NBPF9: variants seen among roughly 807,000 people sequenced by gnomAD.
NBPF9 encodes NBPF family member NBPF9.
A neutral mutation model predicts 97.8 loss-of-function variants in NBPF9; 91 were observed. The ratio of observed to expected loss-of-function variants is 0.93; its 90% confidence interval spans 0.79 to 1.11. NBPF9 has a LOEUF of 1.11. Ranked by LOEUF, NBPF9 falls within the 50% of genes least tolerant of loss-of-function variation. The pLI, the probability that NBPF9 is intolerant of heterozygous loss-of-function variation, is 0.00. For synonymous variants in NBPF9, 334 were observed against 359.5 expected (o/e 0.93, Z 0.80); for missense variants, 992 against 939.5 (o/e 1.06, Z -0.73).
chr1:149,062,191 G>A (rs1209231860), exon 22 of NBPF9: 3 of 978,820 alleles, frequency 3.1e-6, no homozygotes, highest in Admixed American at 3.4e-5. Context: ...ATAACCTGAA[G>A]GAGTCGAATA....
intron 4 of NBPF9, among the ~76,000 whole-genome samples, chr1:149,097,669 C>T (rs1559546856): frequency 1.3e-5 from 2 of 152,116 alleles, no homozygotes; most frequent in Non-Finnish European, 2.9e-5. Flanking sequence ...CTTTCTTTCT[C>T]CCCCTCTCAA....
intron 3 of NBPF9, among the ~76,000 whole-genome samples, chr1:149,099,798 A>T (rs2082027279): frequency 6.6e-6 from 1 of 151,812 alleles, no homozygotes; most frequent in Non-Finnish European, 1.5e-5. Context: ...CAGTCTGGGC[A>T]CTACAGGAAA....
chr1:149,072,441 C>T lies in NBPF9; in HGVS notation c.1306+277G>A, dbSNP rs587767439. ...TTCACTCTAACAAGCCTGCTCCCATCGCAGCCTCCTTCCTGTCCTTTAAAA... is the reference window on the plus strand; with the variant it reads ...TTCACTCTAACAAGCCTGCTCCCATTGCAGCCTCCTTCCTGTCCTTTAAAA... On this transcript the variant is annotated intron_variant, in intron 14 of 29. Transcript: ENST00000584027. 2.6e-4 allele frequency among the ~76,000 whole-genome samples: 40 copies of T among 152,196 alleles called. No homozygotes were observed. The East Asian group carries it at 7.6e-3, about 29-fold the overall frequency.
chr1:149,077,790 C>T (rs1192660046), intron 10 of NBPF9, 93 bp downstream of exon 10: 10 of 1,560,756 alleles, frequency 6.4e-6, no homozygotes, highest in Admixed American at 3.3e-5. Context: ...GGGATGCGGG[C>T]TTTTGGCCCA....
At chr1:149,085,389 T>C (rs1430181598) in intron 5 of NBPF9, among the ~76,000 whole-genome samples, 1 of 152,206 alleles carries the variant, frequency 6.6e-6, no homozygotes, top group Non-Finnish European at 1.5e-5. Flanking sequence ...GTTTGAAATC[T>C]AGCAGAGTAA....
intron 25 of NBPF9, 104 bp from the exon 26 acceptor site, chr1:149,059,201 A>G: frequency 2.3e-6 from 1 of 431,764 alleles, no homozygotes. Context: ...AAAAAGAAAA[A>G]GGACAGATCC....
intron 5 of NBPF9, among the ~76,000 whole-genome samples, chr1:149,086,842 C>T (rs1199641399): frequency 6.6e-6 from 1 of 152,106 alleles, no homozygotes; most frequent in Non-Finnish European, 1.5e-5. Flanking sequence ...GCCCGCCCCT[C>T]AGGTTGGTCT....
intron 12 of NBPF9, 51 bp from the exon 13 acceptor site, chr1:149,073,921 G>C: frequency 7.9e-7 from 1 of 1,268,900 alleles, no homozygotes; most frequent in Non-Finnish European, 1.1e-6. Context: ...ACATGCTGCT[G>C]TGGTCACTGC....
intron 16 of NBPF9, 135 bp from the exon 17 acceptor site, chr1:149,069,780 G>GA (rs2079260736): frequency 1.6e-6 from 1 of 641,304 alleles, no homozygotes; most frequent in Non-Finnish European, 2.8e-6. Flanking sequence ...AATATTCTAG[G>GA]GTGTCCTAGA....
At chr1:149,101,600 G>A (rs1553663333) in intron 2 of NBPF9, among the ~76,000 whole-genome samples, 1 of 151,868 alleles carries the variant, frequency 6.6e-6, no homozygotes, top group Non-Finnish European at 1.5e-5. Flanking sequence ...CACAAAAGAG[G>A]ACACACAAAT....
At position 149,055,625 on chromosome 1, in the gene NBPF9, G is replaced by A. The variant is rs781962746; in HGVS notation, c.*31C>T. 1.1e-5 allele frequency: 18 copies of A among 1,611,620 alleles called. No homozygotes were observed. In the South Asian group the frequency reaches 2.0e-4, roughly 18 times the overall value. ...ACGTGCCTATAGGTCCTGCCTGCAG[G>A]AATGACATCTCTCGGCTTAGTAAGG... On this transcript the variant is annotated 3_prime_UTR_variant, in exon 30 of 30. Coordinates refer to ENST00000584027, the Ensembl canonical transcript of NBPF9.
At chr1:149,102,549 T>C (rs1317065337) in intron 2 of NBPF9, among the ~76,000 whole-genome samples, 180 bp downstream of exon 2, 1 of 149,818 alleles carries the variant, frequency 6.7e-6, no homozygotes, top group Non-Finnish European at 1.5e-5. Context: ...AAGACTTCTT[T>C]TCGAAAGCAG....
chr1:149,059,116 G>A lies in NBPF9; in HGVS notation c.2586-19C>T, dbSNP rs1407482167. On this transcript the variant is annotated intron_variant, in intron 25 of 29. Coordinates refer to ENST00000584027, the Ensembl canonical transcript of NBPF9. Reference sequence around the variant, plus strand: ...GCTGAGCCTGGAAAAGTAGGAAAAAGTAAAGAATAAGCCAGGGGGAATCAG... The same window carrying A: ...GCTGAGCCTGGAAAAGTAGGAAAAAATAAAGAATAAGCCAGGGGGAATCAG... 1.4e-5 allele frequency: 6 copies of A among 421,536 alleles called. 1 individual carries two copies. In the East Asian group the frequency reaches 1.5e-4, roughly 10 times the overall value. 26.1% of individuals were successfully genotyped at this position (421,536 alleles called of 1,614,324 possible).
intron 5 of NBPF9, among the ~76,000 whole-genome samples, chr1:149,082,800 GAC>G (rs2080600517): frequency 7.0e-6 from 1 of 142,478 alleles, no homozygotes. Context: ...TTTTTTTTGA[GAC>G]AGAGTCTCAC....
chr1:149,091,531 T>C (rs1220470094), intron 4 of NBPF9, among the ~76,000 whole-genome samples: 1 of 151,944 alleles, frequency 6.6e-6, no homozygotes, highest in African/African-American at 2.4e-5. Context: ...CAAAAACATT[T>C]TGAGTGCAAT....
At position 149,064,346 on chromosome 1, in the gene NBPF9, T is replaced by G. The variant is rs2078878895; in HGVS notation, c.1853+85A>C. The G allele has an allele frequency of 3.8e-6, 3 of 789,000 alleles. No homozygotes were observed. The South Asian group carries it at 4.4e-5, about 11-fold the overall frequency. The allele number at this position is 789,000 out of a possible 1,614,324, so 48.9% of individuals were successfully genotyped here. A position where few individuals can be genotyped will look rare whatever the true frequency, so the allele number is the denominator to read the frequency against. ...TACTTGTCTGACAAGACAAAATCAT[T>G]ATTTTCAGCATGTACTGTTTTCCCT... On this transcript the variant is annotated intron_variant, in intron 19 of 29. Coordinates refer to ENST00000584027, the Ensembl canonical transcript of NBPF9.
chr1:149,082,957 CTTTTTTTTTTTTTTTTTT>C (rs1157992196), intron 5 of NBPF9, among the ~76,000 whole-genome samples: 1 of 66,470 alleles, frequency 1.5e-5, no homozygotes, highest in Non-Finnish European at 2.6e-5. Flanking sequence ...TTTTTCTTTT[CTTTTTTTTTTTTTTTTTT>C]TTTTTTTGTA....
At chr1:149,074,793 T>C (rs2079709413) in intron 12 of NBPF9, among the ~76,000 whole-genome samples, 1 of 149,334 alleles carries the variant, frequency 6.7e-6, no homozygotes, top group Non-Finnish European at 1.5e-5. Flanking sequence ...TTTTTATTCT[T>C]ATTTTTATTT....
intron 4 of NBPF9, among the ~76,000 whole-genome samples, chr1:149,093,320 G>A (rs587695351): frequency 8.6e-5 from 13 of 151,884 alleles, no homozygotes; most frequent in African/African-American, 2.7e-4. Flanking sequence ...GCTTTACACC[G>A]AGACATTCCA....
Sources: allele counts gnomAD v4.1 joint callset (sites outside exome capture counted in the v4.1 genomes callset), GRCh38; gene constraint gnomAD v4.1.1; transcripts MANE v1.5; gene names NCBI Gene and HGNC (gene_info 2026-07-23, HGNC 2026-07-21).